The following DLG2 variants were observed in gnomAD, a reference collection of about 807,000 sequenced individuals.
DLG2 encodes the protein discs large MAGUK scaffold protein 2, also known as disks large homolog 2.
Under a neutral mutation model 132.5 loss-of-function variants are expected in DLG2, and 45 were observed. The ratio of observed to expected loss-of-function variants is 0.34; its 90% CI spans 0.27 to 0.44. The LOEUF is 0.44. Among genes scored for constraint, DLG2 ranks in the 20% least tolerant of loss-of-function variants. The pLI is 1.00. For synonymous variants in DLG2, 424 were observed against 419.6 expected, an observed-to-expected ratio of 1.01 and a Z score of -0.13; for missense variants, 1,045 against 1,196.9, an observed-to-expected ratio of 0.87 and a Z score of 1.87.
At chr11:84,825,152 A>G (rs946227608) in intron 6 of DLG2, among the ~76,000 whole-genome samples, 1 of 151,898 alleles carries the variant, frequency 6.6e-6, no homozygotes, top group Non-Finnish European at 1.5e-5. Flanking sequence ...CTCTGGGCAC[A>G]GTGTGATATA....
chr11:84,679,077 A>G (rs960414069), intron 6 of DLG2, among the ~76,000 whole-genome samples: 2 of 152,060 alleles, frequency 1.3e-5, no homozygotes, highest in Admixed American at 6.6e-5. Flanking sequence ...TATTCACCTT[A>G]AGCATAGCTT....
At chr11:83,875,898 G>C (rs902162566) in intron 15 of DLG2, among the ~76,000 whole-genome samples, 1 of 152,138 alleles carries the variant, frequency 6.6e-6, no homozygotes, top group East Asian at 1.9e-4. Flanking sequence ...TGAGGGTACA[G>C]AATTTTGAGA....
At chr11:85,172,481 G>GA (rs1408724585) in intron 4 of DLG2, among the ~76,000 whole-genome samples, 6 of 152,298 alleles carry the variant, frequency 3.9e-5, no homozygotes, top group African/African-American at 1.4e-4. Context: ...CTCAAAGATT[G>GA]AAGGTAGAGA....
intron 18 of DLG2, among the ~76,000 whole-genome samples, chr11:83,747,761 C>T (rs2093026340): frequency 6.6e-6 from 1 of 151,748 alleles, no homozygotes; most frequent in Non-Finnish European, 1.5e-5. Context: ...ATAGATGTTT[C>T]ATATGAAGTT....
chr11:85,031,630 CT>C (rs1428349584), intron 6 of DLG2, among the ~76,000 whole-genome samples: 1 of 151,950 alleles, frequency 6.6e-6, no homozygotes, highest in Non-Finnish European at 1.5e-5. Flanking sequence ...AATCAGTGGT[CT>C]TCAAAAATTA....
chr11:85,164,659 T>G (rs1392248395), intron 4 of DLG2, among the ~76,000 whole-genome samples: 2 of 152,174 alleles, frequency 1.3e-5, no homozygotes, highest in Admixed American at 6.6e-5. Flanking sequence ...ATAGAAGTAG[T>G]AATAGCAACA....
chr11:84,464,135 A>G (rs2099087772), intron 7 of DLG2, among the ~76,000 whole-genome samples: 1 of 151,214 alleles, frequency 6.6e-6, no homozygotes, highest in South Asian at 2.1e-4. Flanking sequence ...GACATTACTG[A>G]GAAGCTACTA....
chr11:84,480,861 C>G (rs2099135395), intron 7 of DLG2, among the ~76,000 whole-genome samples: 1 of 151,142 alleles, frequency 6.6e-6, no homozygotes, highest in Admixed American at 6.6e-5. Context: ...GTCTCAGCCT[C>G]CTGAGTAGCT....
chr11:85,080,772 T>C (rs1593806412), intron 6 of DLG2, among the ~76,000 whole-genome samples: 1 of 152,242 alleles, frequency 6.6e-6, no homozygotes, highest in Non-Finnish European at 1.5e-5. Flanking sequence ...CTCTCAATTG[T>C]TGTCCAATCA....
intron 6 of DLG2, among the ~76,000 whole-genome samples, chr11:84,835,311 G>A (rs750936720): frequency 1.3e-5 from 2 of 151,512 alleles, no homozygotes; most frequent in South Asian, 4.1e-4. Flanking sequence ...AGTTCTGGAG[G>A]TAGACAGACC....
intron 14 of DLG2, among the ~76,000 whole-genome samples, chr11:83,958,732 T>C (rs969051192): frequency 6.6e-6 from 1 of 152,290 alleles, no homozygotes; most frequent in East Asian, 1.9e-4. Context: ...AAGATAGAAC[T>C]CATAGTTACC....
At chr11:85,061,200 T>C (rs1012437962) in intron 6 of DLG2, among the ~76,000 whole-genome samples, 4 of 151,922 alleles carry the variant, frequency 2.6e-5, no homozygotes, top group African/African-American at 9.7e-5. Flanking sequence ...TGTTGTTTCC[T>C]TTGCTGTGCA....
intron 3 of DLG2, among the ~76,000 whole-genome samples, chr11:85,591,824 A>G (rs527400032): frequency 3.9e-5 from 6 of 152,348 alleles, no homozygotes; most frequent in African/African-American, 1.4e-4. Flanking sequence ...TCTTCTTTGT[A>G]TATAAACTCT....
At chr11:83,507,030 C>T (rs2094738708) in intron 21 of DLG2, among the ~76,000 whole-genome samples, 1 of 152,152 alleles carries the variant, frequency 6.6e-6, no homozygotes, top group Non-Finnish European at 1.5e-5. Flanking sequence ...CCTTTTCTTT[C>T]ATCACTTTGT....
At chr11:84,012,759 T>G (rs555829693) in intron 11 of DLG2, among the ~76,000 whole-genome samples, 1 of 152,194 alleles carries the variant, frequency 6.6e-6, no homozygotes, top group East Asian at 1.9e-4. Flanking sequence ...GCACTTTTGC[T>G]TCATTTGGCC....
intron 9 of DLG2, among the ~76,000 whole-genome samples, chr11:84,110,977 A>G (rs2093317638): frequency 6.6e-6 from 1 of 152,314 alleles, no homozygotes; most frequent in East Asian, 1.9e-4. Context: ...ACATAAAGAA[A>G]AGTGCTTGAC....
At chr11:85,069,039 C>T (rs908837103) in intron 6 of DLG2, among the ~76,000 whole-genome samples, 8 of 151,942 alleles carry the variant, frequency 5.3e-5, no homozygotes, top group Non-Finnish European at 1.2e-4. Flanking sequence ...CTGACAAAAA[C>T]AAGAAATGGG....
At chr11:85,305,998 T>C (rs536389986) in intron 3 of DLG2, among the ~76,000 whole-genome samples, 1 of 152,304 alleles carries the variant, frequency 6.6e-6, no homozygotes, top group African/African-American at 2.4e-5. Flanking sequence ...CAACTTGGGT[T>C]TGAGTCCCAG....
At chr11:84,466,681 T>A (rs2099095285) in intron 7 of DLG2, among the ~76,000 whole-genome samples, 1 of 151,358 alleles carries the variant, frequency 6.6e-6, no homozygotes, top group Admixed American at 6.6e-5. Flanking sequence ...GTGGGGGTAC[T>A]AAGTATTAGA....
Sources: gnomAD v4.1 joint callset for allele counts (sites outside exome capture counted in the v4.1 genomes callset) on GRCh38, gnomAD v4.1.1 for gene constraint, MANE v1.5 for transcripts, NCBI Gene and HGNC (gene_info 2026-07-23, HGNC 2026-07-21) for gene names.